Variants in AMMECR1L observed in about 807,000 individuals in gnomAD.
AMMECR1L encodes AMMECR1-like protein.
AMMECR1L carries 4 observed loss-of-function variants against 36.8 expected under a neutral mutation model. The ratio of observed to expected loss-of-function variants is 0.11; its 90% CI spans 0.05 to 0.25. AMMECR1L has a LOEUF of 0.25. Among genes scored for constraint, AMMECR1L ranks in the 10% least tolerant of loss-of-function variants. AMMECR1L has a pLI of 1.00. For missense variants in AMMECR1L, 232 were observed against 392.1 expected, an observed-to-expected ratio of 0.59 and a Z score of 3.45; for synonymous variants, 147 against 148.0, an observed-to-expected ratio of 0.99 and a Z score of 0.05.
rs755590910 is a variant in AMMECR1L at position 127,865,062 on chromosome 2, C to CG, written c.*31dup. ...ATGATGTCATAGCCATTGGTGGCCA[C>CG]GGGGGGGTGGGACTGGTCATGCAGC... is the stretch of plus-strand genomic sequence containing the variant. On this transcript the variant is annotated 3_prime_UTR_variant, in exon 8 of 8. Coordinates refer to ENST00000272647, the MANE Select transcript of AMMECR1L (RefSeq NM_001199140.2). The surrounding 1 kb of genome is among the most constrained non-coding windows in gnomAD (Gnocchi z 5.4). The CG allele has an allele frequency of 3.1e-5, 47 of 1,529,044 alleles. No homozygotes were observed. Among genetic ancestry groups the CG allele is most frequent in the East Asian group, 4.6e-5 (2 of 43,492 alleles). The allele number at this position is 1,529,044 out of a possible 1,614,324, so 94.7% of individuals were successfully genotyped here.
intron 6 of AMMECR1L, 87 bp from the exon 7 acceptor site, chr2:127,867,083 G>T: frequency 2.5e-6 from 4 of 1,577,256 alleles, no homozygotes; most frequent in South Asian, 1.1e-5. Context: ...AGAGAAATGG[G>T]ACTCGAGAAG....
At chr2:127,880,551 C>T (rs1240978278) in intron 2 of AMMECR1L, among the ~76,000 whole-genome samples, 1 of 152,046 alleles carries the variant, frequency 6.6e-6, no homozygotes, top group Non-Finnish European at 1.5e-5. Flanking sequence ...CTGATGTACA[C>T]ACTCAAGGGG....
chr2:127,880,800 T>A (rs959011580), intron 2 of AMMECR1L, among the ~76,000 whole-genome samples: 2 of 131,570 alleles, frequency 1.5e-5, no homozygotes, highest in Non-Finnish European at 3.5e-5. Context: ...ACACACACAC[T>A]CCTGATTGTC....
At chr2:127,877,858 G>A (rs1416331651) in intron 2 of AMMECR1L, among the ~76,000 whole-genome samples, 3 of 152,174 alleles carry the variant, frequency 2.0e-5, no homozygotes, top group African/African-American at 7.2e-5. Context: ...CCCAGGAGTT[G>A]GAGACCAGCC....
chr2:127,877,088 T>C (rs915539928), intron 2 of AMMECR1L, among the ~76,000 whole-genome samples: 8 of 150,446 alleles, frequency 5.3e-5, no homozygotes, highest in Non-Finnish European at 1.0e-4. Flanking sequence ...GTGACTAGTA[T>C]GTGTTAAGCA....
At chr2:127,876,417 C>T (rs942850331) in intron 2 of AMMECR1L, among the ~76,000 whole-genome samples, 1 of 151,582 alleles carries the variant, frequency 6.6e-6, no homozygotes, top group Non-Finnish European at 1.5e-5. Flanking sequence ...CTCACTACAG[C>T]CTCCCCAGTA....
In AMMECR1L at chr2:127,864,961, T is replaced by C. The variant is rs1690619208; in HGVS notation, c.*133A>G. On this transcript the variant is annotated 3_prime_UTR_variant, in exon 8 of 8. Coordinates refer to ENST00000272647, the MANE Select transcript of AMMECR1L (RefSeq NM_001199140.2). Reference sequence around the variant, plus strand: ...TCCCTCAGTCAGCGGGAGGCAGACTTGGCAACGGAAGCTAGCATCATAAAA... The same window carrying C: ...TCCCTCAGTCAGCGGGAGGCAGACTCGGCAACGGAAGCTAGCATCATAAAA... 1 of 656,566 alleles carries C rather than the reference T, an allele frequency of 1.5e-6. No individual in the cohort carries two copies. Among genetic ancestry groups the C allele is most frequent in the Non-Finnish European group, 2.6e-6 (1 of 380,458 alleles). 40.7% of individuals were successfully genotyped at this position (656,566 alleles called of 1,614,324 possible).
Position 127,864,994 on chromosome 2 carries a change from G to T in AMMECR1L, c.*100C>A. On this transcript the variant is annotated 3_prime_UTR_variant, in exon 8 of 8. Transcript: ENST00000272647. ...GAAGCTAGCATCATAAAATGGTGCA[G>T]TAATAGAAGTAACTGGACCAGGAAG... is the stretch of plus-strand genomic sequence containing the variant. The T allele has an allele frequency of 1.3e-6, 1 of 791,440 alleles. No homozygotes were observed. The highest frequency in any genetic ancestry group is 2.1e-6 in the Non-Finnish European group (1 of 478,646). 49.0% of individuals were successfully genotyped at this position (791,440 alleles called of 1,614,324 possible).
intron 2 of AMMECR1L, 136 bp downstream of exon 2, chr2:127,884,067 C>T (rs1691644037): frequency 6.6e-6 from 1 of 152,216 alleles, no homozygotes; most frequent in African/African-American, 2.4e-5. Context: ...GGAAAAACTT[C>T]ATCAACATTA....
chr2:127,867,231 C>A, intron 6 of AMMECR1L: 1 of 985,494 alleles, frequency 1.0e-6, no homozygotes, highest in Non-Finnish European at 1.2e-6. Flanking sequence ...TGTCCCCAGG[C>A]TCCCTGCTCC....
intron 2 of AMMECR1L, among the ~76,000 whole-genome samples, chr2:127,879,895 G>A (rs1017694667): frequency 1.3e-5 from 2 of 152,152 alleles, no homozygotes; most frequent in African/African-American, 2.4e-5. Context: ...TCCACTTAAT[G>A]ACATACTTAC....
chr2:127,877,692 A>T (rs62158427), intron 2 of AMMECR1L, among the ~76,000 whole-genome samples: 5,071 of 152,262 alleles, frequency 0.033, 109 homozygotes, highest in Non-Finnish European at 0.048. Context: ...TGGAACTACA[A>T]GAAAGAATGA....
In AMMECR1L at chr2:127,878,050, C is replaced by T. The variant is rs530193534; in HGVS notation, c.-38-3778G>A. 8.0e-4 allele frequency among the ~76,000 whole-genome samples: 122 copies of T among 152,144 alleles called. 1 individual carries two copies. Among genetic ancestry groups the T allele is most frequent in the African/African-American group, 2.8e-3 (116 of 41,492 alleles). ...CTCCAGCCTGGGTGACAGAGTAAGA[C>T]CCTGTCTCAAAATAAATAAATAAAT... On this transcript the variant is annotated intron_variant, in intron 2 of 7. Coordinates refer to ENST00000272647, the MANE Select transcript of AMMECR1L (RefSeq NM_001199140.2).
At chr2:127,867,065 G>A (rs774963684) in intron 6 of AMMECR1L, 69 bp from the exon 7 acceptor site, 15 of 1,599,170 alleles carry the variant, frequency 9.4e-6, no homozygotes, top group Middle Eastern at 1.7e-4. Flanking sequence ...CACATGGCCC[G>A]TGCAAGAAGA....
rs1398232957 is a variant in AMMECR1L, at chr2:127,865,062, C to T, written c.*32G>A. 8 of 1,529,342 alleles carry T rather than the reference C, an allele frequency of 5.2e-6. No individual in the cohort carries two copies. The highest frequency in any genetic ancestry group is 1.7e-5 in the Admixed American group (1 of 57,898). The allele number at this position is 1,529,342 out of a possible 1,614,324, so 94.7% of individuals were successfully genotyped here. On this transcript the variant is annotated 3_prime_UTR_variant, in exon 8 of 8. Transcript: ENST00000272647. This position sits in a 1 kb window ranked among gnomAD's most constrained non-coding sequence, Gnocchi z 5.4. Reference sequence around the variant, plus strand: ...ATGATGTCATAGCCATTGGTGGCCACGGGGGGGTGGGACTGGTCATGCAGC... The same window carrying T: ...ATGATGTCATAGCCATTGGTGGCCATGGGGGGGTGGGACTGGTCATGCAGC...
intron 6 of AMMECR1L, among the ~76,000 whole-genome samples, chr2:127,868,330 C>A (rs1268870536): frequency 3.9e-5 from 6 of 152,186 alleles, no homozygotes; most frequent in Non-Finnish European, 8.8e-5. Flanking sequence ...CTCCCCATTA[C>A]AAAACATGGT....
intron 2 of AMMECR1L, among the ~76,000 whole-genome samples, chr2:127,882,901 ATTTTTTT>A (rs35596458): frequency 2.3e-4 from 31 of 132,892 alleles, no homozygotes; most frequent in African/African-American, 6.2e-4. Flanking sequence ...TGTGCCCAGA[ATTTTTTT>A]TTTTTTTTTT....
In AMMECR1L at chr2:127,866,962, G is replaced by T; in HGVS notation, c.759C>A (p.Leu253=). The stretch of plus-strand genomic sequence containing the variant: ...TTGGAGCTTTAAAGCCACCTTTCCT[G>T]AGCAAGGAGTCTATTGTCTGGATCT... ...WDQIQTIDSL[L]RKGGFKAPIT... is the part of the protein sequence containing the mutation. The change falls in exon 7 of 8, where the codon CTC becomes CTA. Residue 253 remains leucine (L), a synonymous_variant. Coordinates refer to ENST00000272647, the MANE Select transcript of AMMECR1L (RefSeq NM_001199140.2). The T allele has an allele frequency of 2.5e-6, 4 of 1,614,214 alleles. No homozygotes were observed. The highest frequency in any genetic ancestry group is 1.1e-5 in the South Asian group (1 of 91,080).
intron 1 of AMMECR1L, chr2:127,885,382 G>A (rs1691718347): frequency 9.2e-6 from 9 of 980,202 alleles, no homozygotes; most frequent in Non-Finnish European, 1.1e-5. Flanking sequence ...GCCGAGCCGC[G>A]GGGGTGGAAT....
Sources: allele counts gnomAD v4.1 joint callset (sites outside exome capture counted in the v4.1 genomes callset), GRCh38; gene constraint gnomAD v4.1.1; non-coding constraint Gnocchi (gnomAD v3.1); transcripts MANE v1.5; gene names NCBI Gene and HGNC (gene_info 2026-07-23, HGNC 2026-07-21).